NDST1: variants seen among roughly 807,000 people sequenced by gnomAD.
The protein encoded by NDST1 is N-deacetylase and N-sulfotransferase 1.
NDST1 carries 35 observed loss-of-function variants against 92.8 expected under a neutral mutation model. The observed-to-expected ratio is 0.38, with a 90% confidence interval of 0.29 to 0.50. NDST1 has a LOEUF of 0.50. Ranked by LOEUF, NDST1 falls within the 20% of genes least tolerant of loss-of-function variation. The pLI, the probability that NDST1 is intolerant of heterozygous loss-of-function variation, is 0.94. For missense variants in NDST1, 822 were observed against 1,182.7 expected (o/e 0.69, Z 4.47); for synonymous variants, 493 against 500.3 (o/e 0.99, Z 0.19).
intron 1 of NDST1, among the ~76,000 whole-genome samples, chr5:150,519,149 G>T (rs1561592570): frequency 6.6e-6 from 1 of 152,214 alleles, no homozygotes; most frequent in Admixed American, 6.5e-5. Flanking sequence ...TAGGATTTGT[G>T]TTCTTGTGGA....
chr5:150,531,489 T>C (rs1244831752), intron 3 of NDST1, among the ~76,000 whole-genome samples: 1 of 147,154 alleles, frequency 6.8e-6, no homozygotes, highest in Non-Finnish European at 1.5e-5. Context: ...GTTTCTTTTT[T>C]CTTTTTCTCT....
chr5:150,538,186 C>T (rs764801601), intron 6 of NDST1, among the ~76,000 whole-genome samples: 12 of 151,366 alleles, frequency 7.9e-5, no homozygotes, highest in South Asian at 2.1e-4. Context: ...AATAGGAGGC[C>T]GGGATGGCTG....
chr5:150,531,420 T>C (rs906708833), intron 3 of NDST1, among the ~76,000 whole-genome samples: 4 of 152,028 alleles, frequency 2.6e-5, no homozygotes, highest in African/African-American at 9.7e-5. Context: ...GTGACTACAT[T>C]GCCTGGGGAG....
chr5:150,498,875 G>A (rs893936002), intron 1 of NDST1, among the ~76,000 whole-genome samples: 38 of 152,258 alleles, frequency 2.5e-4, no homozygotes, highest in African/African-American at 8.7e-4. Context: ...CTCCTTTTTG[G>A]GGAGGAAACA....
At chr5:150,506,893 A>C (rs1181483472), upstream of NDST1, among the ~76,000 whole-genome samples, 2 of 152,148 alleles carry the variant, frequency 1.3e-5, no homozygotes, top group African/African-American at 2.4e-5. Context: ...GGCCTCTAGG[A>C]GATTAGGGGG....
chr5:150,549,827 A>G lies in NDST1; in HGVS notation c.2426+40A>G, dbSNP rs1293133683. 3.1e-6 allele frequency: 4 copies of G among 1,298,806 alleles called. No homozygotes were observed. The South Asian group carries it at 4.8e-5, about 15-fold the overall frequency. The allele number at this position is 1,298,806 out of a possible 1,614,324, so 80.5% of individuals were successfully genotyped here. The stretch of plus-strand genomic sequence containing the variant: ...TTCCTTTCTGCAGGTTATTTCCCTG[A>G]TAAGGCACCTGGGCCAACAAAGCCA... On this transcript the variant is annotated intron_variant, in intron 13 of 14. Transcript: ENST00000261797.
intron 3 of NDST1, among the ~76,000 whole-genome samples, chr5:150,531,500 CTT>C (rs35747232): frequency 3.9e-4 from 51 of 131,094 alleles, no homozygotes; most frequent in Non-Finnish European, 5.2e-4. Flanking sequence ...CTTTTTCTCT[CTT>C]TTTTTTTTTT....
chr5:150,545,968 G>C (rs967906350), intron 11 of NDST1, among the ~76,000 whole-genome samples: 2 of 151,624 alleles, frequency 1.3e-5, no homozygotes, highest in African/African-American at 4.9e-5. Flanking sequence ...CCCCTATCTG[G>C]GGCATGTATG....
intron 3 of NDST1, among the ~76,000 whole-genome samples, chr5:150,532,258 T>G (rs369128165): frequency 1.2e-4 from 18 of 152,354 alleles, no homozygotes; most frequent in African/African-American, 4.3e-4. Flanking sequence ...TGCGGTTATC[T>G]TACTTGATTC....
At chr5:150,513,121 G>T (rs1753797295) in intron 1 of NDST1, among the ~76,000 whole-genome samples, 1 of 152,058 alleles carries the variant, frequency 6.6e-6, no homozygotes. Context: ...ACTTGAGCGT[G>T]GGAAGTTGAG....
intron 6 of NDST1, among the ~76,000 whole-genome samples, chr5:150,536,564 T>C (rs908032689): frequency 1.6e-4 from 25 of 152,098 alleles, no homozygotes; most frequent in African/African-American, 6.0e-4. Context: ...ATCCCTTTTT[T>C]TTTCTTTCTT....
In NDST1 at chr5:150,553,540, C is replaced by T. The variant is rs1561611773; in HGVS notation, c.*208C>T. The T allele has an allele frequency of 8.0e-6, 5 of 621,510 alleles. No homozygotes were observed. Among genetic ancestry groups the T allele is most frequent in the Admixed American group, 4.4e-5 (2 of 45,094 alleles). 38.5% of individuals were successfully genotyped at this position (621,510 alleles called of 1,614,324 possible). ...ACCGCTGGGTCTGCGGCCTAAGGGA[C>T]CTCCCTCGCCAGCAGAGGTCCATTC... On this transcript the variant is annotated 3_prime_UTR_variant, in exon 15 of 15. Transcript: ENST00000261797. The surrounding 1 kb of genome is among the most constrained non-coding windows in gnomAD (Gnocchi z 4.2).
intron 10 of NDST1, among the ~76,000 whole-genome samples, chr5:150,545,111 C>T (rs577253840): frequency 2.2e-4 from 33 of 152,272 alleles, no homozygotes; most frequent in Non-Finnish European, 4.6e-4. Context: ...GGAAAAGGAA[C>T]GAATTTGAAA....
chr5:150,511,970 G>A (rs1753744855), intron 1 of NDST1, among the ~76,000 whole-genome samples: 1 of 151,982 alleles, frequency 6.6e-6, no homozygotes, highest in Admixed American at 6.5e-5. Flanking sequence ...GACTGTGCTG[G>A]GGGTGTGACT....
intron 10 of NDST1, 136 bp from the exon 11 acceptor site, chr5:150,545,176 C>G (rs1018774153): frequency 1.8e-5 from 18 of 1,023,352 alleles, no homozygotes; most frequent in Non-Finnish European, 2.7e-5. Context: ...GAGGCAAGTC[C>G]TTGTTTGGTT....
upstream of NDST1, among the ~76,000 whole-genome samples, chr5:150,507,182 A>G (rs1266899850): frequency 6.6e-6 from 1 of 151,804 alleles, no homozygotes; most frequent in Non-Finnish European, 1.5e-5. Context: ...GGCTGGCAGG[A>G]CCCTTGGCCA....
chr5:150,527,366 T>TA (rs1754521138), intron 2 of NDST1, among the ~76,000 whole-genome samples: 1 of 152,226 alleles, frequency 6.6e-6, no homozygotes, highest in South Asian at 2.1e-4. Context: ...CTCCTGGAGT[T>TA]ACTTTCTGTT....
chr5:150,499,463 G>A (rs1561583653), intron 1 of NDST1, among the ~76,000 whole-genome samples: 2 of 152,172 alleles, frequency 1.3e-5, no homozygotes, highest in Non-Finnish European at 2.9e-5. Context: ...TCCTTTGTGG[G>A]CTCTTCTAAG....
At chr5:150,511,891 G>A (rs895451811) in intron 1 of NDST1, among the ~76,000 whole-genome samples, 1 of 152,074 alleles carries the variant, frequency 6.6e-6, no homozygotes, top group Non-Finnish European at 1.5e-5. Flanking sequence ...GGTGGGTGGG[G>A]CAGGCTGTGG....
Sources: allele counts gnomAD v4.1 joint callset (sites outside exome capture counted in the v4.1 genomes callset), GRCh38; gene constraint gnomAD v4.1.1; non-coding constraint Gnocchi (gnomAD v3.1); transcripts MANE v1.5; gene names NCBI Gene and HGNC (gene_info 2026-07-23, HGNC 2026-07-21).